The following DENND1A variants were observed in gnomAD, a reference collection of about 807,000 sequenced individuals.
The protein encoded by DENND1A is DENN domain-containing protein 1A.
Under a neutral mutation model 113.7 loss-of-function variants are expected in DENND1A, and 51 were observed. The observed-to-expected ratio is 0.45, with a 90% CI of 0.36 to 0.57. DENND1A has a LOEUF of 0.57. Among genes scored for constraint, DENND1A ranks in the 20% least tolerant of loss-of-function variants. DENND1A has a pLI of 0.00. For synonymous variants in DENND1A, 565 were observed against 570.8 expected, an observed-to-expected ratio of 0.99 and a Z score of 0.14; for missense variants, 1,258 against 1,395.9, an observed-to-expected ratio of 0.90 and a Z score of 1.57.
At position 123,382,103 on chromosome 9, in the gene DENND1A, C is replaced by T; in HGVS notation, c.2542G>A (p.Asp848Asn). 1 of 1,560,480 alleles carries T rather than the reference C, an allele frequency of 6.4e-7. No individual in the cohort carries two copies. The highest frequency in any genetic ancestry group is 8.7e-7 in the Non-Finnish European group (1 of 1,153,674). The change falls in exon 24 of 24, where the codon GAC becomes AAC. Residue 848 changes from aspartate (D) to asparagine (N), a missense_variant. Asp to Asn is a conservative substitution (Grantham distance 23). This residue lies in a region of DENND1A where 1,159 missense variants were observed against 1,231.7 expected (regional missense o/e 0.94). Transcript: ENST00000394215. Reference protein sequence around the residue: ...TSSDALLALLDPLSTAWSGST... With the variant: ...TSSDALLALLNPLSTAWSGST... ...CCTGACCAGGCTGTGCTGAGCGGGT[C>T]CAGGAGGGCGAGCAGGGCGTCACTG...
chr9:123,401,852 C>A (rs777930412), intron 21 of DENND1A: 28 of 1,614,130 alleles, frequency 1.7e-5, no homozygotes, highest in Non-Finnish European at 2.4e-5. Context: ...GGAACTTGGC[C>A]GCAAAATGGG....
At chr9:123,759,185 T>A (rs1249856671) in intron 4 of DENND1A, 2 of 152,202 alleles carry the variant, frequency 1.3e-5, no homozygotes, top group East Asian at 3.9e-4. Flanking sequence ...CATTCCATTT[T>A]AAAAATTTAA....
At chr9:123,668,123 C>G (rs1309596695) in intron 7 of DENND1A, among the ~76,000 whole-genome samples, 1 of 152,110 alleles carries the variant, frequency 6.6e-6, no homozygotes, top group Non-Finnish European at 1.5e-5. Flanking sequence ...ACGGAAAGAG[C>G]TTGGTGCCGG....
intron 2 of DENND1A, among the ~76,000 whole-genome samples, chr9:123,806,677 C>A (rs539613893): frequency 1.3e-5 from 2 of 152,128 alleles, no homozygotes; most frequent in South Asian, 2.1e-4. Flanking sequence ...GAATGCTTAA[C>A]CTGTACTTAT....
chr9:123,383,638 C>T lies in DENND1A; in HGVS notation c.2019+17G>A, dbSNP rs373105088. On this transcript the variant is annotated intron_variant, in intron 23 of 23. Coordinates refer to ENST00000394215, the MANE Select transcript of DENND1A (RefSeq NM_001352964.2). ...GTGCCGGCCCCCGGCCGATACCCTCCCTTGCCCATGCCATACCTGATAGTC... is the reference window on the plus strand; with the variant it reads ...GTGCCGGCCCCCGGCCGATACCCTCTCTTGCCCATGCCATACCTGATAGTC... The T allele has an allele frequency of 2.9e-5, 47 of 1,607,350 alleles. No individual in the cohort carries two copies. The African/African-American group carries it at 6.1e-4, about 21-fold the overall frequency.
intron 2 of DENND1A, among the ~76,000 whole-genome samples, chr9:123,813,515 T>C (rs899134774): frequency 2.7e-5 from 4 of 147,400 alleles, no homozygotes; most frequent in Non-Finnish European, 4.5e-5. Context: ...CCTTCTCATC[T>C]AAAAAAAAAA....
At chr9:123,893,050 G>C (rs1850169587) in intron 1 of DENND1A, among the ~76,000 whole-genome samples, 1 of 151,896 alleles carries the variant, frequency 6.6e-6, no homozygotes. Flanking sequence ...ATAAAGAATG[G>C]TCTGGGCATG....
intron 2 of DENND1A, among the ~76,000 whole-genome samples, chr9:123,828,819 A>G (rs559035091): frequency 6.6e-6 from 1 of 152,264 alleles, no homozygotes; most frequent in Non-Finnish European, 1.5e-5. Flanking sequence ...CCAAACTGAG[A>G]TTCTGACAAG....
chr9:123,570,941 AAAG>A (rs747917483), intron 12 of DENND1A, among the ~76,000 whole-genome samples: 5 of 152,336 alleles, frequency 3.3e-5, no homozygotes, highest in East Asian at 1.9e-4. Flanking sequence ...TTTAGATCTA[AAAG>A]AAGGAGTATT....
Position 123,816,637 on chromosome 9 carries a change from A to C in DENND1A, c.89-24007T>G, listed in dbSNP as rs190056410. On this transcript the variant is annotated intron_variant, in intron 2 of 23. Coordinates refer to ENST00000394215, the MANE Select transcript of DENND1A (RefSeq NM_001352964.2). ...AAATATTAGAAATCAATTTGGAAAA[A>C]TAATTACCTGGTCCTCTCACACTAC... Among the ~76,000 whole-genome samples the C allele has an allele frequency of 5.3e-5, 8 of 152,352 alleles. No homozygotes were observed. In the East Asian group the frequency reaches 1.5e-3, roughly 29 times the overall value.
intron 5 of DENND1A, among the ~76,000 whole-genome samples, chr9:123,716,791 CT>C: frequency 6.6e-6 from 1 of 152,302 alleles, no homozygotes; most frequent in South Asian, 2.1e-4. Flanking sequence ...ACAGTAGCCA[CT>C]TTAAATCCCA....
intron 13 of DENND1A, among the ~76,000 whole-genome samples, chr9:123,510,896 A>G (rs1217932979): frequency 6.6e-6 from 1 of 152,244 alleles, no homozygotes. Context: ...GGTATGCAAG[A>G]GAAGCTGGAA....
chr9:123,527,622 C>G (rs551444045), intron 13 of DENND1A, among the ~76,000 whole-genome samples: 1 of 152,204 alleles, frequency 6.6e-6, no homozygotes, highest in South Asian at 2.1e-4. Flanking sequence ...TTGGGTACCC[C>G]CCTTGGATCT....
In DENND1A at chr9:123,379,765, C is replaced by G. The variant is rs562988355; in HGVS notation, c.*1667G>C. Reference sequence around the variant, plus strand: ...CTCATGTGAACATGGAGCGCTCACCCCAGCCCCTCAGCACAGCCAGGGGGC... The same window carrying G: ...CTCATGTGAACATGGAGCGCTCACCGCAGCCCCTCAGCACAGCCAGGGGGC... On this transcript the variant is annotated 3_prime_UTR_variant, in exon 24 of 24. Coordinates refer to ENST00000394215, the MANE Select transcript of DENND1A (RefSeq NM_001352964.2). 112 of 152,510 alleles carry G rather than the reference C, an allele frequency of 7.3e-4. No individual in the cohort carries two copies. Among genetic ancestry groups the G allele is most frequent in the Middle Eastern group, 3.4e-3 (1 of 296 alleles). 9.4% of individuals were successfully genotyped at this position (152,510 alleles called of 1,614,324 possible).
chr9:123,770,568 C>T (rs1275119296), intron 3 of DENND1A, among the ~76,000 whole-genome samples: 2 of 152,118 alleles, frequency 1.3e-5, no homozygotes, highest in African/African-American at 2.4e-5. Context: ...CTTGGACAGC[C>T]CACGGTTGGT....
At chr9:123,795,520 C>A (rs764926685) in intron 2 of DENND1A, among the ~76,000 whole-genome samples, 26 of 152,152 alleles carry the variant, frequency 1.7e-4, no homozygotes, top group Non-Finnish European at 3.4e-4. Flanking sequence ...TTAAGCAAAC[C>A]GCCTTTAAAT....
chr9:123,472,334 G>C (rs966819535), intron 13 of DENND1A, among the ~76,000 whole-genome samples: 8 of 152,146 alleles, frequency 5.3e-5, no homozygotes, highest in Admixed American at 3.9e-4. Flanking sequence ...GAAGCAGGTG[G>C]AGGGCCTGGT....
chr9:123,772,968 T>C (rs545794243), intron 3 of DENND1A, among the ~76,000 whole-genome samples: 3 of 152,214 alleles, frequency 2.0e-5, no homozygotes, highest in East Asian at 1.9e-4. Context: ...ACTGAGCTCA[T>C]TGATTAAGGT....
At chr9:123,539,261 G>C (rs2135546529) in intron 13 of DENND1A, among the ~76,000 whole-genome samples, 1 of 152,266 alleles carries the variant, frequency 6.6e-6, no homozygotes, top group African/African-American at 2.4e-5. Flanking sequence ...AAATACAGGG[G>C]ACAGAGGAAC....
Sources: allele counts gnomAD v4.1 joint callset (sites outside exome capture counted in the v4.1 genomes callset), GRCh38; gene constraint gnomAD v4.1.1; regional missense constraint gnomAD v4.1.1; transcripts MANE v1.5; gene names NCBI Gene and HGNC (gene_info 2026-07-23, HGNC 2026-07-21).